ZNF423: variants seen among roughly 807,000 people sequenced by gnomAD.
ZNF423 encodes the protein zinc finger protein 423.
Under a neutral mutation model 95.8 loss-of-function variants are expected in ZNF423, and 12 were observed. That is an observed-to-expected ratio of 0.13 (90% CI 0.08 to 0.20). The LOEUF (loss-of-function observed/expected upper bound fraction) is 0.20. ZNF423 is among the 10% of genes least tolerant of loss of function. The pLI, the probability that ZNF423 is intolerant of heterozygous loss-of-function variation, is 1.00. For synonymous variants in ZNF423, 749 were observed against 711.9 expected (o/e 1.05, Z -0.83); for missense variants, 1,316 against 1,737.1 (o/e 0.76, Z 4.31).
intron 5 of ZNF423, among the ~76,000 whole-genome samples, chr16:49,543,493 C>T (rs762886736): frequency 1.1e-4 from 16 of 152,222 alleles, no homozygotes; most frequent in African/African-American, 1.4e-4. Flanking sequence ...GAGTCCTCTG[C>T]GGGAGCGGAT....
intron 5 of ZNF423, among the ~76,000 whole-genome samples, chr16:49,547,011 GAA>G (rs60635430): frequency 1.3e-4 from 15 of 111,530 alleles, no homozygotes; most frequent in South Asian, 8.0e-4. Flanking sequence ...ACTCTTTCCA[GAA>G]AAAAAAAAAA....
intron 2 of ZNF423, among the ~76,000 whole-genome samples, chr16:49,753,438 G>GAAA (rs35833357): frequency 7.6e-6 from 1 of 130,946 alleles, no homozygotes; most frequent in African/African-American, 2.9e-5. Flanking sequence ...CCTGTCTACA[G>GAAA]AAAAAAAAAA....
intron 1 of ZNF423, among the ~76,000 whole-genome samples, chr16:49,835,741 G>A (rs541434308): frequency 6.6e-6 from 1 of 152,224 alleles, no homozygotes; most frequent in Non-Finnish European, 1.5e-5. Flanking sequence ...GAGGTGGTGG[G>A]GGGGCAGAGG....
intron 3 of ZNF423, among the ~76,000 whole-genome samples, chr16:49,693,303 C>T (rs535753978): frequency 3.9e-5 from 6 of 152,240 alleles, no homozygotes; most frequent in Admixed American, 2.0e-4. Context: ...TATATGCTAT[C>T]GTTAGTTCCA....
At chr16:49,829,042 C>A (rs1363799121) in intron 1 of ZNF423, among the ~76,000 whole-genome samples, 1 of 152,204 alleles carries the variant, frequency 6.6e-6, no homozygotes, top group Non-Finnish European at 1.5e-5. Context: ...TCCTCTATCC[C>A]CAGTCCCACA....
chr16:49,650,713 G>A lies in ZNF423; in HGVS notation c.302-11839C>T, dbSNP rs139944878. On this transcript the variant is annotated intron_variant, in intron 3 of 7. Coordinates refer to ENST00000563137, the MANE Select transcript of ZNF423 (RefSeq NM_001379286.1). The stretch of plus-strand genomic sequence containing the variant: ...CCTCATAAACAGCTGAGCTTACACA[G>A]TAAGTTGTGTGGTCACCCCAGTAAT... Among the ~76,000 whole-genome samples, 6 of 152,360 alleles carry A rather than the reference G, an allele frequency of 3.9e-5. No homozygotes were observed. The East Asian group carries it at 9.7e-4, about 25-fold the overall frequency.
chr16:49,804,085 G>A (rs553066666), intron 1 of ZNF423, among the ~76,000 whole-genome samples: 131 of 151,896 alleles, frequency 8.6e-4, no homozygotes, highest in Non-Finnish European at 1.3e-3. Flanking sequence ...ACAGATGCCC[G>A]CCACTACGCC....
At chr16:49,835,664 A>T (rs1402553329) in intron 1 of ZNF423, among the ~76,000 whole-genome samples, 3 of 152,198 alleles carry the variant, frequency 2.0e-5, no homozygotes, top group Admixed American at 6.5e-5. Flanking sequence ...AAGGGACGCA[A>T]CCACCCAAGC....
chr16:49,845,454 G>C lies in ZNF423; in HGVS notation c.40+10281C>G, dbSNP rs114378877. 7.3e-3 allele frequency among the ~76,000 whole-genome samples: 1,107 copies of C among 151,678 alleles called. 10 individuals carry two copies. Among genetic ancestry groups the C allele is most frequent in the African/African-American group, 0.026 (1,063 of 41,340 alleles). On this transcript the variant is annotated intron_variant, in intron 1 of 7. Coordinates refer to ENST00000563137, the MANE Select transcript of ZNF423 (RefSeq NM_001379286.1). ...GGTTTTTTGTTTTAATGTTGCCCAG[G>C]TTGAACTCGAACACGTAGCCTCGCC... is the stretch of plus-strand genomic sequence containing the variant.
chr16:49,555,446 C>G (rs947887150), intron 5 of ZNF423, among the ~76,000 whole-genome samples: 2 of 152,212 alleles, frequency 1.3e-5, no homozygotes, highest in Non-Finnish European at 2.9e-5. Flanking sequence ...TGACAATGAG[C>G]TTCTGTTGTC....
At chr16:49,641,695 A>G (rs1972981136) in intron 3 of ZNF423, among the ~76,000 whole-genome samples, 1 of 152,052 alleles carries the variant, frequency 6.6e-6, no homozygotes, top group Non-Finnish European at 1.5e-5. Flanking sequence ...CCTCTTAACC[A>G]CTCACTTTAC....
chr16:49,854,113 C>T (rs538562896), intron 1 of ZNF423: 19 of 985,240 alleles, frequency 1.9e-5, no homozygotes, highest in Non-Finnish European at 2.3e-5. Context: ...TTCTTGGAGT[C>T]TCTCTTCTGG....
At chr16:49,729,449 T>C (rs797001839) in intron 3 of ZNF423, among the ~76,000 whole-genome samples, 36 of 152,194 alleles carry the variant, frequency 2.4e-4, no homozygotes, top group African/African-American at 8.4e-4. Flanking sequence ...TTCCTCCCTT[T>C]GCCCTAGTAT....
chr16:49,619,329 G>A (rs1046554542), intron 5 of ZNF423, among the ~76,000 whole-genome samples: 4 of 152,124 alleles, frequency 2.6e-5, no homozygotes, highest in African/African-American at 9.7e-5. Flanking sequence ...ACTACTAGAA[G>A]AAACCTCAAT....
intron 2 of ZNF423, among the ~76,000 whole-genome samples, chr16:49,780,821 A>G (rs1407794175): frequency 6.6e-6 from 1 of 152,228 alleles, no homozygotes; most frequent in Non-Finnish European, 1.5e-5. Context: ...CCCCATATAA[A>G]AATGCATTTC....
At chr16:49,803,933 CTTTTTTT>C (rs535349308) in intron 1 of ZNF423, among the ~76,000 whole-genome samples, 21 of 109,506 alleles carry the variant, frequency 1.9e-4, no homozygotes, top group African/African-American at 3.9e-4. Flanking sequence ...GGATGAGTTT[CTTTTTTT>C]TTTTTTTTTT....
At chr16:49,777,615 C>T (rs186544561) in intron 2 of ZNF423, among the ~76,000 whole-genome samples, 1 of 152,144 alleles carries the variant, frequency 6.6e-6, no homozygotes, top group Admixed American at 6.5e-5. Context: ...TTCTAGTGCC[C>T]GTCATTCCAC....
intron 2 of ZNF423, among the ~76,000 whole-genome samples, chr16:49,773,320 C>CA (rs895216678): frequency 1.1e-3 from 164 of 143,522 alleles, no homozygotes; most frequent in Non-Finnish European, 1.8e-3. Flanking sequence ...CTCCATCTCA[C>CA]AAAAAAAAAA....
At position 49,523,723 on chromosome 16, in the gene ZNF423, G is replaced by C. The variant is rs763780570; in HGVS notation, c.3750C>G (p.Asn1250Lys). Residue 1250 changes from asparagine to lysine, a missense_variant, in exon 7 of 8, where the codon AAC becomes AAG. By Grantham distance (94) the Asn-to-Lys change is moderately conservative (BLOSUM62 0). This residue lies in a region of ZNF423 where 75 missense variants were observed against 163.5 expected (regional missense o/e 0.46). Transcript: ENST00000563137. ...PVCFTVFVQA[N>K]KLQQHIFAVH... ...CGGCAAAGATGTGCTGCTGCAACTT[G>C]TTGGCCTGGACGAAGACTAGACACA... is the stretch of plus-strand genomic sequence containing the variant. 3 of 1,613,768 alleles carry C rather than the reference G, an allele frequency of 1.9e-6. No individual in the cohort carries two copies. Among genetic ancestry groups the C allele is most frequent in the Non-Finnish European group, 1.7e-6 (2 of 1,180,028 alleles).
Sources: gnomAD v4.1 joint callset for allele counts (sites outside exome capture counted in the v4.1 genomes callset) on GRCh38, gnomAD v4.1.1 for gene constraint, gnomAD v4.1.1 regional missense constraint, MANE v1.5 for transcripts, NCBI Gene and HGNC (gene_info 2026-07-23, HGNC 2026-07-21) for gene names.